KCNC3: variants seen among roughly 807,000 people sequenced by gnomAD.
KCNC3 encodes voltage-gated potassium channel KCNC3.
In KCNC3, 22 loss-of-function variants were observed where a neutral mutation model predicts 43.9. That is an observed-to-expected ratio of 0.50 (90% confidence interval 0.36 to 0.72). The LOEUF (loss-of-function observed/expected upper bound fraction) is 0.72. KCNC3 is among the 30% of genes least tolerant of loss of function. The pLI is 0.00. For missense variants in KCNC3, 829 were observed against 1,073.8 expected, an observed-to-expected ratio of 0.77 and a Z score of 3.19; for synonymous variants, 492 against 488.0, an observed-to-expected ratio of 1.01 and a Z score of -0.11.
rs1342883184 is a variant in KCNC3, at chr19:50,312,022, G to T, written c.*4093C>A. 6.6e-6 allele frequency: 1 copy of T among 152,122 alleles called. No homozygotes were observed. The highest frequency in any genetic ancestry group is 2.4e-5 in the African/African-American group (1 of 41,404). The allele number at this position is 152,122 out of a possible 1,614,324, so 9.4% of individuals were successfully genotyped here. Reference sequence around the variant, plus strand: ...ATGACACTTTTTCTTTGGGGAGAGGGGGGTGACATGCGGCAGCTTCTGCAT... The same window carrying T: ...ATGACACTTTTTCTTTGGGGAGAGGTGGGTGACATGCGGCAGCTTCTGCAT... On this transcript the variant is annotated 3_prime_UTR_variant, in exon 5 of 5. Coordinates refer to ENST00000477616, the MANE Select transcript of KCNC3 (RefSeq NM_004977.3).
intron 3 of KCNC3, 92 bp from the exon 4 acceptor site, chr19:50,320,441 G>C (rs1214479595): frequency 3.0e-6 from 2 of 671,100 alleles, no homozygotes; most frequent in East Asian, 5.5e-5. Context: ...TTGGGGCGGG[G>C]GTACAGGGAA....
upstream of KCNC3, among the ~76,000 whole-genome samples, chr19:50,331,229 C>G (rs1009725858): frequency 1.5e-5 from 2 of 136,054 alleles, no homozygotes; most frequent in Non-Finnish European, 3.0e-5. Flanking sequence ...CCTCTTCTCT[C>G]TAGGCCTCAG....
chr19:50,315,379 C>A lies in KCNC3; in HGVS notation c.*736G>T, dbSNP rs544473850. ...CACCACAGTCCACCGCCCTTCCCCC[C>A]CTCCACTGGTCCCCTCACCTGAGGC... On this transcript the variant is annotated 3_prime_UTR_variant, in exon 5 of 5. Transcript: ENST00000477616. The A allele has an allele frequency of 4.3e-4, 65 of 152,150 alleles. No individual in the cohort carries two copies. Among genetic ancestry groups the A allele is most frequent in the Admixed American group, 2.5e-3 (38 of 15,248 alleles). 9.4% of individuals were successfully genotyped at this position (152,150 alleles called of 1,614,324 possible).
In KCNC3 at chr19:50,323,369, C is replaced by T. The variant is rs2037060804; in HGVS notation, c.1584G>A (p.Val528=). ...CGGGCACAGGCATGGCGATGGTCAG[C>T]ACCCCCGCCAGGGCACACAGCGCCC... ...LVGALCALAG[V]LTIAMPVPVI... is the part of the protein sequence containing the mutation. The change falls in exon 2 of 5, where the codon GTG becomes GTA. Residue 528 remains valine, a synonymous_variant. Coordinates refer to ENST00000477616, the MANE Select transcript of KCNC3 (RefSeq NM_004977.3). 6.2e-7 allele frequency: 1 copy of T among 1,614,154 alleles called. No individual in the cohort carries two copies. The highest frequency in any genetic ancestry group is 8.5e-7 in the Non-Finnish European group (1 of 1,180,030).
rs777137528 is a variant in KCNC3, at chr19:50,324,013, C to T, written c.940G>A (p.Gly314Ser). 6.2e-7 allele frequency: 1 copy of T among 1,609,716 alleles called. No homozygotes were observed. Among genetic ancestry groups the T allele is most frequent in the Non-Finnish European group, 8.5e-7 (1 of 1,176,732 alleles). ...ITTFCLETHE[G>S]FIHISNKTVT... ...GTCTTGTTGCTAATATGGATGAAGC[C>T]CTCATGGGTTTCCAGGCAGAAGGTG... The change falls in exon 2 of 5, where the codon GGC becomes AGC. Residue 314 changes from glycine to serine, a missense_variant. Gly to Ser is a moderately conservative substitution (Grantham distance 56, BLOSUM62 0). This residue lies in a region of KCNC3 where 157 missense variants were observed against 293.5 expected (regional missense o/e 0.53). Transcript: ENST00000477616. This position sits in a 1 kb window ranked among gnomAD's most constrained non-coding sequence, Gnocchi z 4.1.
In KCNC3 at chr19:50,324,110, G is replaced by T. The variant is rs769032604; in HGVS notation, c.871-28C>A. On this transcript the variant is annotated intron_variant, in intron 1 of 4. Transcript: ENST00000477616. The surrounding 1 kb of genome is among the most constrained non-coding windows in gnomAD (Gnocchi z 4.1). The stretch of plus-strand genomic sequence containing the variant: ...GCAGGGCAGGGAGGGAGAGAGAGGG[G>T]GAGAGGTGACCTAGGCATCAGGTTG... 1.3e-6 allele frequency: 2 copies of T among 1,560,060 alleles called. No individual in the cohort carries two copies.
At chr19:50,322,928 TC>T (rs1472899724) in intron 2 of KCNC3, 46 bp downstream of exon 2, 3 of 1,537,494 alleles carry the variant, frequency 2.0e-6, no homozygotes, top group Non-Finnish European at 1.8e-6. Context: ...TCCCCAGTCC[TC>T]CCCGGGTCTC....
chr19:50,329,114 C>T lies in KCNC3; in HGVS notation c.-32G>A, dbSNP rs1454587314. On this transcript the variant is annotated 5_prime_UTR_variant, in exon 1 of 5. Transcript: ENST00000477616. Reference sequence around the variant, plus strand: ...GGGGGCGGGGCGGGAGGGGCGGGGACGCAGGGGCGGGGACACGGGGGGAGA... The same window carrying T: ...GGGGGCGGGGCGGGAGGGGCGGGGATGCAGGGGCGGGGACACGGGGGGAGA... The T allele has an allele frequency of 4.2e-5, 5 of 118,894 alleles. No individual in the cohort carries two copies. The highest frequency in any genetic ancestry group is 7.4e-5 in the Non-Finnish European group (5 of 67,238). The allele number at this position is 118,894 out of a possible 1,614,324, so 7.4% of individuals were successfully genotyped here.
At position 50,314,413 on chromosome 19, in the gene KCNC3, C is replaced by G. The variant is rs971191113; in HGVS notation, c.*1702G>C. On this transcript the variant is annotated 3_prime_UTR_variant, in exon 5 of 5. Transcript: ENST00000477616. Reference sequence around the variant, plus strand: ...CCCGACCCCCGGGAGGTGCCACCCCCTTCCCAGAGTGCCTGCCCCTCAAAC... The same window carrying G: ...CCCGACCCCCGGGAGGTGCCACCCCGTTCCCAGAGTGCCTGCCCCTCAAAC... The G allele has an allele frequency of 5.7e-6, 1 of 175,946 alleles. No homozygotes were observed. Among genetic ancestry groups the G allele is most frequent in the Non-Finnish European group, 1.2e-5 (1 of 82,504 alleles). 10.9% of individuals were successfully genotyped at this position (175,946 alleles called of 1,614,324 possible). A position where few individuals can be genotyped will look rare whatever the true frequency, so the allele number is the denominator to read the frequency against.
At position 50,324,069 on chromosome 19, in the gene KCNC3, G is replaced by A. The variant is rs538657248; in HGVS notation, c.884C>T (p.Ala295Val). The A allele has an allele frequency of 2.5e-6, 4 of 1,597,182 alleles. No homozygotes were observed. The highest frequency in any genetic ancestry group is 3.4e-6 in the Non-Finnish European group (4 of 1,170,710). The change falls in exon 2 of 5, where the codon GCC (alanine) becomes GTC (valine). Residue 295 changes from alanine (A) to valine (V), a missense_variant. By Grantham distance (64) the Ala-to-Val change is moderately conservative (BLOSUM62 0). Coordinates refer to ENST00000477616, the MANE Select transcript of KCNC3 (RefSeq NM_004977.3). The surrounding 1 kb of genome is among the most constrained non-coding windows in gnomAD (Gnocchi z 4.1). ...GGAGATGAGGATGAAGAAGAGGGAG[G>A]CGAAGGCCACATACTGCAGGGCAGG... ...SSRAARYVAF[A>V]SLFFILISIT...
chr19:50,319,021 G>C, intron 4 of KCNC3, among the ~76,000 whole-genome samples: 1 of 144,904 alleles, frequency 6.9e-6, no homozygotes, highest in Admixed American at 6.9e-5. Flanking sequence ...AAAAGAATCA[G>C]TTGCTGAAAC....
Position 50,320,688 on chromosome 19 carries a change from G to T in KCNC3, c.2075C>A (p.Pro692His). The T allele has an allele frequency of 1.2e-6, 2 of 1,613,920 alleles. No homozygotes were observed. Among genetic ancestry groups the T allele is most frequent in the Non-Finnish European group, 1.7e-6 (2 of 1,179,972 alleles). The change falls in exon 3 of 5, where the codon CCC becomes CAC. Residue 692 changes from proline to histidine, a missense_variant. Pro to His is a moderately conservative substitution (Grantham distance 77). Transcript: ENST00000477616. ...GCGGCCACGGCTTCCAGGCGTGATG[G>T]GGCTCTTGTCTTCCGGGGACATGGC... The part of the protein sequence containing the change: ...QPAMSPEDKS[P>H]ITPGSRGRYS...
chr19:50,331,893 C>G (rs1386222994), upstream of KCNC3, among the ~76,000 whole-genome samples: 1 of 152,098 alleles, frequency 6.6e-6, no homozygotes, highest in Non-Finnish European at 1.5e-5. Context: ...CCCCATCACC[C>G]TCTCTAACCC....
At chr19:50,320,437 C>A in intron 3 of KCNC3, 88 bp from the exon 4 acceptor site, 1 of 558,658 alleles carries the variant, frequency 1.8e-6, no homozygotes, top group Non-Finnish European at 3.0e-6. Context: ...AAACTTGGGG[C>A]GGGGGTACAG....
Position 50,315,673 on chromosome 19 carries a change from CT to C in KCNC3, c.*441del, listed in dbSNP as rs1279418829. ...GGGGGGTGGGGGGGGAGGGAGGCTCCTCCAGAAGATTCTAAGGACGGGGTCG... is the reference window on the plus strand; with the variant it reads ...GGGGGGTGGGGGGGGAGGGAGGCTCCCCAGAAGATTCTAAGGACGGGGTCG... On this transcript the variant is annotated 3_prime_UTR_variant, in exon 5 of 5. Coordinates refer to ENST00000477616, the MANE Select transcript of KCNC3 (RefSeq NM_004977.3). 1.1e-5 allele frequency: 1 copy of C among 93,250 alleles called. No homozygotes were observed. The highest frequency in any genetic ancestry group is 4.5e-5 in the African/African-American group (1 of 22,212). The allele number at this position is 93,250 out of a possible 1,614,324, so 5.8% of individuals were successfully genotyped here.
rs1344651922 is a variant in KCNC3 at position 50,315,654 on chromosome 19, T to TG, written c.*460dup. The TG allele has an allele frequency of 0.056, 1,529 of 27,230 alleles. 44 individuals carry two copies. Among genetic ancestry groups the TG allele is most frequent in the African/African-American group, 0.12 (845 of 7,070 alleles). 1.7% of individuals were successfully genotyped at this position (27,230 alleles called of 1,614,324 possible). ...GAACTCCAGGAGCAGTGGGGGGGGG[T>TG]GGGGGGGGAGGGAGGCTCCTCCAGA... On this transcript the variant is annotated 3_prime_UTR_variant, in exon 5 of 5. Coordinates refer to ENST00000477616, the MANE Select transcript of KCNC3 (RefSeq NM_004977.3).
rs865957487 is a variant in KCNC3 at position 50,320,320 on chromosome 19, C to T, written c.2200G>A (p.Asp734Asn). Residue 734 changes from aspartate to asparagine, a missense_variant, in exon 4 of 5, where the codon GAC becomes AAC. This residue lies in a region of KCNC3 where 308 missense variants were observed against 276.2 expected (regional missense o/e 1.11). Transcript: ENST00000477616. ...ATGAPPLPPQDWRKPGPPSFL... is the reference protein window; with the variant it reads ...ATGAPPLPPQNWRKPGPPSFL... ...CTTGGGGGGCCTGGCTTACGCCAGTCTTGGGGGGGCAGTGGGGGAGCACCA... is the reference window on the plus strand; with the variant it reads ...CTTGGGGGGCCTGGCTTACGCCAGTTTTGGGGGGGCAGTGGGGGAGCACCA... 40 of 561,584 alleles carry T rather than the reference C, an allele frequency of 7.1e-5. No homozygotes were observed. In the African/African-American group the frequency reaches 1.0e-3, roughly 14 times the overall value. 34.8% of individuals were successfully genotyped at this position (561,584 alleles called of 1,614,324 possible). A position where few individuals can be genotyped will look rare whatever the true frequency, so the allele number is the denominator to read the frequency against.
chr19:50,321,845 TG>T (rs2037038227), intron 2 of KCNC3, among the ~76,000 whole-genome samples: 1 of 134,768 alleles, frequency 7.4e-6, no homozygotes, highest in African/African-American at 2.9e-5. Flanking sequence ...GAGGCAGTGT[TG>T]GGGGGTGGTT....
chr19:50,317,441 C>G (rs754646252), intron 4 of KCNC3, among the ~76,000 whole-genome samples: 3 of 152,080 alleles, frequency 2.0e-5, no homozygotes, highest in African/African-American at 7.3e-5. Context: ...GGACAGGGAT[C>G]CTTTAGGATG....
Sources: gnomAD v4.1 joint callset for allele counts (sites outside exome capture counted in the v4.1 genomes callset) on GRCh38, gnomAD v4.1.1 for gene constraint, gnomAD v4.1.1 regional missense constraint, Gnocchi (gnomAD v3.1) non-coding constraint, MANE v1.5 for transcripts, NCBI Gene and HGNC (gene_info 2026-07-23, HGNC 2026-07-21) for gene names.